TENM3: variants seen among roughly 807,000 people sequenced by gnomAD.
TENM3 encodes the protein teneurin-3.
Under a neutral mutation model 255.1 loss-of-function variants are expected in TENM3, and 63 were observed. The ratio of observed to expected loss-of-function variants is 0.25; its 90% CI spans 0.20 to 0.30. The LOEUF is 0.30. Ranked by LOEUF, TENM3 falls within the 10% of genes least tolerant of loss-of-function variation. The pLI, the probability that TENM3 is intolerant of heterozygous loss-of-function variation, is 1.00. For synonymous variants in TENM3, 1,306 were observed against 1,322.3 expected, an observed-to-expected ratio of 0.99 and a Z score of 0.27; for missense variants, 2,929 against 3,461.1, an observed-to-expected ratio of 0.85 and a Z score of 3.86.
the TENM3 span, among the ~76,000 whole-genome samples, chr4:181,607,149 T>C: frequency 6.6e-6 from 1 of 152,188 alleles, no homozygotes; most frequent in Non-Finnish European, 1.5e-5. Flanking sequence ...CTTTGGCCCT[T>C]ATCCTGCCTG....
At chr4:182,268,247 T>C (rs570316962) in intron 1 of TENM3, among the ~76,000 whole-genome samples, 71 of 152,336 alleles carry the variant, frequency 4.7e-4, no homozygotes, top group African/African-American at 1.3e-3. Flanking sequence ...TAAACACTTA[T>C]TAATCTTCCA....
intron 3 of TENM3, among the ~76,000 whole-genome samples, chr4:182,375,343 A>G (rs1431165977): frequency 6.6e-6 from 1 of 152,070 alleles, no homozygotes. Flanking sequence ...TGCCTGGTTA[A>G]ATGTTTTCAA....
At chr4:182,312,525 T>G (rs187673906) in intron 1 of TENM3, among the ~76,000 whole-genome samples, 47 of 152,350 alleles carry the variant, frequency 3.1e-4, no homozygotes, top group Admixed American at 2.7e-3. Flanking sequence ...TCTATTTGGT[T>G]GTTTTTTTAC....
At chr4:181,496,631 C>G in the TENM3 span, among the ~76,000 whole-genome samples, 1 of 152,182 alleles carries the variant, frequency 6.6e-6, no homozygotes, top group Non-Finnish European at 1.5e-5. Context: ...GAATTCAACA[C>G]ATTTCGTTAG....
intron 1 of TENM3, among the ~76,000 whole-genome samples, chr4:182,302,468 G>A (rs545164575): frequency 1.3e-5 from 2 of 152,286 alleles, no homozygotes; most frequent in East Asian, 3.9e-4. Context: ...TTCGCTGAGA[G>A]TTTGTGTTTT....
At chr4:181,618,571 T>C in the TENM3 span, among the ~76,000 whole-genome samples, 1 of 152,226 alleles carries the variant, frequency 6.6e-6, no homozygotes, top group Non-Finnish European at 1.5e-5. Context: ...TCTAAGCCAA[T>C]TTGGAAAATT....
chr4:181,715,688 A>G, the TENM3 span, among the ~76,000 whole-genome samples: 1 of 152,208 alleles, frequency 6.6e-6, no homozygotes, highest in East Asian at 1.9e-4. Context: ...TACCACTGGC[A>G]TCTTTCCACT....
chr4:181,849,949 T>TCTCTCTCTCTCTCTCTCTCTCACA, the TENM3 span, among the ~76,000 whole-genome samples: 2 of 65,964 alleles, frequency 3.0e-5, no homozygotes, highest in African/African-American at 8.7e-5. Flanking sequence ...TCTCTCTCTC[T>TCTCTCTCTCTCTCTCTCTCTCACA]CACACACACA....
chr4:182,386,069 A>G (rs1011789894), intron 3 of TENM3, among the ~76,000 whole-genome samples: 3 of 152,230 alleles, frequency 2.0e-5, no homozygotes, highest in Non-Finnish European at 4.4e-5. Flanking sequence ...TGTTTGACTT[A>G]GAACGTAAGA....
chr4:182,800,424 T>C lies in TENM3; in HGVS notation c.*73T>C, dbSNP rs1041896103. 3.4e-6 allele frequency: 5 copies of C among 1,458,604 alleles called. No homozygotes were observed. Among genetic ancestry groups the C allele is most frequent in the Non-Finnish European group, 4.5e-6 (5 of 1,103,832 alleles). 90.4% of individuals were successfully genotyped at this position (1,458,604 alleles called of 1,614,324 possible). A position where few individuals can be genotyped will look rare whatever the true frequency, so the allele number is the denominator to read the frequency against. On this transcript the variant is annotated 3_prime_UTR_variant, in exon 28 of 28. Coordinates refer to ENST00000511685, the MANE Select transcript of TENM3 (RefSeq NM_001080477.4). Reference sequence around the variant, plus strand: ...CTGTGGCACAACCCGAGTGGGACTCTCCAACGCCCAAGAGCCTTCCTCCCG... The same window carrying C: ...CTGTGGCACAACCCGAGTGGGACTCCCCAACGCCCAAGAGCCTTCCTCCCG...
chr4:182,056,161 C>T, the TENM3 span, among the ~76,000 whole-genome samples: 16 of 152,220 alleles, frequency 1.1e-4, no homozygotes, highest in African/African-American at 3.6e-4. Context: ...AAAAACCCCT[C>T]CAACAGGAGA....
At chr4:182,741,927 A>G (rs1043732401) in intron 18 of TENM3, among the ~76,000 whole-genome samples, 3 of 152,228 alleles carry the variant, frequency 2.0e-5, no homozygotes, top group East Asian at 1.9e-4. Flanking sequence ...AGTGGGGGGA[A>G]AAAGCACTTT....
chr4:182,291,622 A>ATG (rs1305867558), intron 1 of TENM3, among the ~76,000 whole-genome samples: 2 of 152,132 alleles, frequency 1.3e-5, no homozygotes, highest in Non-Finnish European at 2.9e-5. Flanking sequence ...CAGAGACGTT[A>ATG]TGTGATGTGC....
intron 1 of TENM3, among the ~76,000 whole-genome samples, chr4:182,189,040 GTAAA>G (rs1753343577): frequency 6.6e-6 from 1 of 151,782 alleles, no homozygotes; most frequent in African/African-American, 2.4e-5. Flanking sequence ...GTGAATGAAA[GTAAA>G]TAAGTAAATG....
chr4:182,031,230 A>G, the TENM3 span, among the ~76,000 whole-genome samples: 1 of 152,110 alleles, frequency 6.6e-6, no homozygotes, highest in Non-Finnish European at 1.5e-5. Context: ...TAATTTTTCT[A>G]TAAGGTGTAA....
the TENM3 span, among the ~76,000 whole-genome samples, chr4:181,783,836 A>ATT: frequency 6.6e-6 from 1 of 151,780 alleles, no homozygotes; most frequent in Non-Finnish European, 1.5e-5. Flanking sequence ...AGTCGCTAGG[A>ATT]TTATAAGTGC....
At chr4:181,778,069 A>T in the TENM3 span, among the ~76,000 whole-genome samples, 40 of 152,230 alleles carry the variant, frequency 2.6e-4, no homozygotes, top group African/African-American at 8.9e-4. Flanking sequence ...GAGAAAAAAA[A>T]TTTTGCTCAA....
intron 3 of TENM3, among the ~76,000 whole-genome samples, chr4:182,366,670 A>G (rs1282242246): frequency 6.6e-6 from 1 of 152,214 alleles, no homozygotes; most frequent in Non-Finnish European, 1.5e-5. Context: ...ATAGGTTTAA[A>G]TACTAAATTC....
chr4:182,397,123 A>G (rs1580407422), intron 3 of TENM3, among the ~76,000 whole-genome samples: 1 of 152,120 alleles, frequency 6.6e-6, no homozygotes, highest in East Asian at 1.9e-4. Context: ...AGAAGAGTTA[A>G]CTGTGTAAAA....
Sources: gnomAD v4.1 joint callset for allele counts (sites outside exome capture counted in the v4.1 genomes callset) on GRCh38, gnomAD v4.1.1 for gene constraint, MANE v1.5 for transcripts, NCBI Gene and HGNC (gene_info 2026-07-23, HGNC 2026-07-21) for gene names.